The following RAB9B variants were observed in gnomAD, a reference collection of about 807,000 sequenced individuals.
RAB9B encodes the protein ras-related protein Rab-9B.
Under a neutral mutation model 8.9 loss-of-function variants are expected in RAB9B, and 1 was observed. That is an observed-to-expected ratio of 0.11 (90% CI 0.04 to 0.53). The LOEUF is 0.53. Among genes scored for constraint, RAB9B ranks in the 20% least tolerant of loss-of-function variants. The pLI is 0.93. For missense variants in RAB9B, 82 were observed against 152.9 expected, an observed-to-expected ratio of 0.54 and a Z score of 2.45; for synonymous variants, 63 against 57.0, an observed-to-expected ratio of 1.10 and a Z score of -0.47.
chrX:103,786,610 C>G, the RAB9B span: 1 of 1,211,763 alleles, frequency 8.3e-7, no homozygotes, highest in Admixed American at 2.2e-5. Context: ...CGGCAAGGGC[C>G]TGAGCGCAAC....
At chrX:103,805,591 T>C in the RAB9B span, among the ~76,000 whole-genome samples, 14 of 111,916 alleles carry the variant, frequency 1.3e-4, no homozygotes, top group African/African-American at 4.5e-4. Context: ...CCAGTTAAGC[T>C]GTCTGGTCCT....
chrX:103,817,742 A>G (rs766653506), downstream of RAB9B, among the ~76,000 whole-genome samples: 17 of 111,063 alleles, frequency 1.5e-4, no homozygotes, highest in Middle Eastern at 9.3e-3. Flanking sequence ...CTTCAGAATA[A>G]TCTGATTATT....
At chrX:103,828,831 G>A (rs1205758524) in intron 1 of RAB9B, among the ~76,000 whole-genome samples, 6 of 112,021 alleles carry the variant, frequency 5.4e-5, no homozygotes, top group African/African-American at 1.9e-4. Context: ...GGAAAAAGAG[G>A]AAAAGCAATG....
chrX:103,804,037 T>G, the RAB9B span, among the ~76,000 whole-genome samples: 2 of 112,786 alleles, frequency 1.8e-5, no homozygotes, highest in South Asian at 7.3e-4. Flanking sequence ...TTTGTCGCTC[T>G]TGTTTTTGCT....
intron 1 of RAB9B, among the ~76,000 whole-genome samples, chrX:103,830,336 C>T (rs764583709): frequency 9.0e-6 from 1 of 111,424 alleles, no homozygotes; most frequent in South Asian, 3.9e-4. Context: ...CAGAATATGC[C>T]GGATTTAATC....
chrX:103,832,254 T>C lies in RAB9B; in HGVS notation c.-311A>G, dbSNP rs1441848616. On this transcript the variant is annotated 5_prime_UTR_variant, in exon 1 of 3. Coordinates refer to ENST00000243298, the MANE Select transcript of RAB9B (RefSeq NM_016370.4). ...CGCCCGCCGCTGCCGCCGCGCAGCG[T>C]CTCGAGCCCGCGCCCGCGCCCGCCA... 9.2e-6 allele frequency: 1 copy of C among 109,132 alleles called. No individual in the cohort carries two copies. The highest frequency in any genetic ancestry group is 3.3e-5 in the African/African-American group (1 of 29,963). 9.0% of individuals were successfully genotyped at this position (109,132 alleles called of 1,213,427 possible). A position where few individuals can be genotyped will look rare whatever the true frequency, so the allele number is the denominator to read the frequency against.
At chrX:103,830,154 C>T (rs1203466031) in intron 1 of RAB9B, among the ~76,000 whole-genome samples, 2 of 110,227 alleles carry the variant, frequency 1.8e-5, no homozygotes, top group Non-Finnish European at 3.8e-5. Context: ...TTCCCCATTC[C>T]TACCCAAAAC....
chrX:103,789,815 T>C, the RAB9B span, among the ~76,000 whole-genome samples: 1 of 111,709 alleles, frequency 9.0e-6, no homozygotes, highest in Admixed American at 9.5e-5. Flanking sequence ...GAATCCACTT[T>C]GGATACTCTC....
At chrX:103,783,684 A>G in the RAB9B span, among the ~76,000 whole-genome samples, 1 of 112,312 alleles carries the variant, frequency 8.9e-6, no homozygotes, top group African/African-American at 3.2e-5. Context: ...GGCTAAAAAC[A>G]AACTGTAACT....
At chrX:103,822,075 A>G (rs1434667074), downstream of RAB9B, among the ~76,000 whole-genome samples, 1 of 111,765 alleles carries the variant, frequency 8.9e-6, no homozygotes, top group East Asian at 2.8e-4. Context: ...CCTGTCTCTA[A>G]TAACTAAATA....
At chrX:103,790,633 G>C in the RAB9B span, 2 of 1,026,667 alleles carry the variant, frequency 1.9e-6, no homozygotes, top group Non-Finnish European at 2.8e-6. Flanking sequence ...CTAATAGCGA[G>C]GCTCTAACCA....
the RAB9B span, among the ~76,000 whole-genome samples, chrX:103,801,104 C>G: frequency 7.2e-5 from 8 of 111,303 alleles, no homozygotes; most frequent in Non-Finnish European, 1.5e-4. Flanking sequence ...TCATTCTCTC[C>G]CCTTCTGTCT....
chrX:103,779,955 A>G, the RAB9B span: 2 of 112,811 alleles, frequency 1.8e-5, no homozygotes, highest in Non-Finnish European at 3.7e-5. Flanking sequence ...CCAAGTGAGG[A>G]CAGTGACATG....
At chrX:103,818,014 A>G (rs1490748156), downstream of RAB9B, among the ~76,000 whole-genome samples, 1 of 111,535 alleles carries the variant, frequency 9.0e-6, no homozygotes, top group Non-Finnish European at 1.9e-5. Flanking sequence ...TTTTTAAAAT[A>G]CCATAAACAA....
At chrX:103,790,738 T>G in the RAB9B span, 47 of 543,519 alleles carry the variant, frequency 8.6e-5, no homozygotes, top group Admixed American at 1.2e-3. Context: ...GAAAGGAGAG[T>G]CTTGCAGTGA....
At chrX:103,807,753 T>C in the RAB9B span, among the ~76,000 whole-genome samples, 6 of 110,296 alleles carry the variant, frequency 5.4e-5, no homozygotes, top group African/African-American at 1.3e-4. Context: ...TGACAGGGAG[T>C]CCCCAAAACC....
At chrX:103,817,461 G>T (rs150417295), downstream of RAB9B, among the ~76,000 whole-genome samples, 1 of 110,248 alleles carries the variant, frequency 9.1e-6, no homozygotes, top group Admixed American at 9.8e-5. Flanking sequence ...GATAACATTA[G>T]GAGAACTACC....
At chrX:103,809,831 T>C in the RAB9B span, among the ~76,000 whole-genome samples, 1 of 109,627 alleles carries the variant, frequency 9.1e-6, no homozygotes, top group African/African-American at 3.3e-5. Context: ...GGTCTCTCTT[T>C]GTTGCCCAGG....
At chrX:103,779,290 C>A in the RAB9B span, among the ~76,000 whole-genome samples, 1 of 112,158 alleles carries the variant, frequency 8.9e-6, no homozygotes, top group Admixed American at 9.5e-5. Context: ...CCCTGGTAAC[C>A]AGACTGTGAT....
Sources: allele counts gnomAD v4.1 joint callset (sites outside exome capture counted in the v4.1 genomes callset), GRCh38; gene constraint gnomAD v4.1.1; transcripts MANE v1.5; gene names NCBI Gene and HGNC (gene_info 2026-07-23, HGNC 2026-07-21).